PRSS23: variants seen among roughly 807,000 people sequenced by gnomAD.
PRSS23 encodes serine protease 23.
In PRSS23, 25 loss-of-function variants were observed where a neutral mutation model predicts 34.7. That is an observed-to-expected ratio of 0.72 (90% CI 0.53 to 1.01). The LOEUF (loss-of-function observed/expected upper bound fraction) is 1.01, where lower values mean the gene tolerates loss of function less well. Ranked by LOEUF, PRSS23 falls within the 50% of genes least tolerant of loss-of-function variation. PRSS23 has a pLI of 0.00. For missense variants in PRSS23, 445 were observed against 475.6 expected, an observed-to-expected ratio of 0.94 and a Z score of 0.60; for synonymous variants, 176 against 186.6, an observed-to-expected ratio of 0.94 and a Z score of 0.46.
chr11:86,818,147 A>G (rs1948226815), intron 1 of PRSS23, among the ~76,000 whole-genome samples: 1 of 152,212 alleles, frequency 6.6e-6, no homozygotes, highest in South Asian at 2.1e-4. Flanking sequence ...GAGAAGATAC[A>G]CCAGAAAAAA....
chr11:86,816,192 C>A (rs1948214271), downstream of PRSS23, among the ~76,000 whole-genome samples: 2 of 152,156 alleles, frequency 1.3e-5, no homozygotes, highest in Admixed American at 6.5e-5. Context: ...GCTAGGTTGC[C>A]CTTCCTCCAT....
chr11:86,827,077 C>A lies in PRSS23; in HGVS notation c.206+3484C>A, dbSNP rs539852405. 2.6e-5 allele frequency among the ~76,000 whole-genome samples: 4 copies of A among 152,200 alleles called. No homozygotes were observed. The South Asian group carries it at 8.3e-4, about 32-fold the overall frequency. On this transcript the variant is annotated intron_variant, in intron 2 of 2. Coordinates refer to the PRSS23 transcript ENST00000533902. ...AGTTTCAGAAGGAATGGTACCAGTT[C>A]CTCCTTGTACCTCTGGTAGAATTCG...
rs181579469 is a variant in PRSS23, at chr11:86,888,058, A to C, written c.207-63158A>C. ...CAAGAGTGAAACTCTGTCTCAAAAAAAAAAACAAAAACAAAAACACACACA... is the reference window on the plus strand; with the variant it reads ...CAAGAGTGAAACTCTGTCTCAAAAACAAAAACAAAAACAAAAACACACACA... On this transcript the variant is annotated intron_variant, in intron 2 of 2. Coordinates refer to the PRSS23 transcript ENST00000533902. Among the ~76,000 whole-genome samples the C allele has an allele frequency of 4.0e-3, 605 of 151,920 alleles. 1 individual carries two copies. Among genetic ancestry groups the C allele is most frequent in the Non-Finnish European group, 5.0e-3 (342 of 67,926 alleles).
chr11:86,857,609 C>T (rs1280960762), intron 2 of PRSS23: 6 of 512,314 alleles, frequency 1.2e-5, no homozygotes, highest in East Asian at 5.5e-5. Context: ...CATGATGACT[C>T]GGTAGTGCAG....
chr11:86,792,817 G>A lies in PRSS23; in HGVS notation c.-14+1622G>A, dbSNP rs527236972. ...AAAAAAAAAGCACAGAGCACATCTT[G>A]GGAACAGAAGTGGTTCAATTGTAGA... On this transcript the variant is annotated intron_variant, in intron 1 of 1. Coordinates refer to the PRSS23 transcript ENST00000527521. 1.3e-4 allele frequency among the ~76,000 whole-genome samples: 20 copies of A among 152,274 alleles called. 1 individual carries two copies. Among genetic ancestry groups the A allele is most frequent in the African/African-American group, 3.8e-4 (16 of 41,564 alleles).
At chr11:86,928,366 T>C (rs1250901431) in intron 2 of PRSS23, among the ~76,000 whole-genome samples, 1 of 148,646 alleles carries the variant, frequency 6.7e-6, no homozygotes, top group Admixed American at 6.7e-5. Context: ...AAATCTATAA[T>C]ACATATGCTT....
At chr11:86,817,702 A>C (rs1352103521) in intron 1 of PRSS23, among the ~76,000 whole-genome samples, 1 of 152,248 alleles carries the variant, frequency 6.6e-6, no homozygotes, top group African/African-American at 2.4e-5. Flanking sequence ...CGTTGTGTTC[A>C]GGCAAGTATC....
chr11:86,879,820 TGG>T (rs1306375048), intron 2 of PRSS23, among the ~76,000 whole-genome samples: 3 of 31,600 alleles, frequency 9.5e-5, no homozygotes, highest in South Asian at 2.5e-3. Flanking sequence ...GGGAGGGAGG[TGG>T]GGGGGGTCAG....
At chr11:86,863,101 G>A (rs12807024) in intron 2 of PRSS23, among the ~76,000 whole-genome samples, 17,629 of 151,880 alleles carry the variant, frequency 0.12, 1,173 homozygotes, top group East Asian at 0.16. Context: ...ATCACAGTTG[G>A]TTTACACCCT....
chr11:86,806,959 C>G (rs1241280521), intron 1 of PRSS23, among the ~76,000 whole-genome samples: 3 of 152,094 alleles, frequency 2.0e-5, no homozygotes. Context: ...AGAAGCCTAG[C>G]CACTCTGGAA....
At position 86,853,836 on chromosome 11, in the gene PRSS23, G is replaced by A. The variant is rs900152022; in HGVS notation, c.206+30243G>A. On this transcript the variant is annotated intron_variant, in intron 2 of 2. Transcript: ENST00000533902. ...TTTCCCTGTTCCTGCACAATTTTAC[G>A]TTCCCTCCAATCATATTCGAGCATT... is the stretch of plus-strand genomic sequence containing the variant. 7.2e-5 allele frequency among the ~76,000 whole-genome samples: 11 copies of A among 152,082 alleles called. No homozygotes were observed. In the South Asian group the frequency reaches 1.5e-3, roughly 20 times the overall value.
intron 2 of PRSS23, among the ~76,000 whole-genome samples, chr11:86,885,980 A>G (rs1031498094): frequency 4.6e-5 from 7 of 152,210 alleles, no homozygotes; most frequent in East Asian, 1.9e-4. Flanking sequence ...GTTAATGATG[A>G]TGATGATGAT....
exon 3 of PRSS23, chr11:86,951,445 A>G (rs778781079): frequency 1.2e-6 from 2 of 1,613,626 alleles, no homozygotes; most frequent in South Asian, 2.2e-5. Flanking sequence ...AGAACACCCC[A>G]ATCTTGACCA....
intron 2 of PRSS23, chr11:86,949,293 T>C (rs914263938): frequency 1.3e-5 from 2 of 151,874 alleles, no homozygotes; most frequent in African/African-American, 2.4e-5. Flanking sequence ...TGTCAAACTA[T>C]GGGCATAAGG....
chr11:86,899,939 A>G (rs574843338), intron 2 of PRSS23, among the ~76,000 whole-genome samples: 1 of 152,202 alleles, frequency 6.6e-6, no homozygotes, highest in African/African-American at 2.4e-5. Flanking sequence ...TTTTTAAAAG[A>G]TGTTTTTAGT....
chr11:86,832,251 T>C (rs1322743930), intron 2 of PRSS23, among the ~76,000 whole-genome samples: 1 of 152,056 alleles, frequency 6.6e-6, no homozygotes, highest in South Asian at 2.1e-4. Context: ...CTTGATATTA[T>C]TCATAACATC....
intron 2 of PRSS23, among the ~76,000 whole-genome samples, chr11:86,893,094 A>G (rs1389255340): frequency 6.6e-6 from 1 of 152,200 alleles, no homozygotes; most frequent in Non-Finnish European, 1.5e-5. Context: ...AGATGCTGTG[A>G]AGATGAAAAC....
chr11:86,930,681 T>C (rs1949118344), intron 2 of PRSS23, among the ~76,000 whole-genome samples: 2 of 150,056 alleles, frequency 1.3e-5, no homozygotes, highest in African/African-American at 4.9e-5. Flanking sequence ...TCCTAGCTGC[T>C]GGGGAGGCTG....
intron 2 of PRSS23, among the ~76,000 whole-genome samples, chr11:86,833,634 A>T (rs899526911): frequency 2.6e-5 from 4 of 152,050 alleles, no homozygotes; most frequent in Admixed American, 1.3e-4. Context: ...GCCATAGATG[A>T]TTGGCTATTT....
Sources: allele counts gnomAD v4.1 joint callset (sites outside exome capture counted in the v4.1 genomes callset), GRCh38; gene constraint gnomAD v4.1.1; transcripts MANE v1.5; gene names NCBI Gene and HGNC (gene_info 2026-07-23, HGNC 2026-07-21).